Variants in RAB28 observed in about 807,000 individuals in gnomAD.
RAB28 encodes ras-related protein Rab-28.
Under a neutral mutation model 31.7 loss-of-function variants are expected in RAB28, and 24 were observed. The observed-to-expected ratio is 0.76, with a 90% CI of 0.55 to 1.06. RAB28 has a LOEUF of 1.06. Among genes scored for constraint, RAB28 ranks in the 50% least tolerant of loss-of-function variants. RAB28 has a pLI of 0.00. For synonymous variants in RAB28, 100 were observed against 90.4 expected (o/e 1.11, Z -0.60); for missense variants, 254 against 258.5 (o/e 0.98, Z 0.12).
chr4:13,379,390 A>G (rs1294257180), intron 5 of RAB28, among the ~76,000 whole-genome samples: 1 of 152,044 alleles, frequency 6.6e-6, no homozygotes, highest in Non-Finnish European at 1.5e-5. Context: ...CACCCATGAA[A>G]AAGTGGAGAC....
chr4:13,432,845 T>C (rs912082703), intron 4 of RAB28, among the ~76,000 whole-genome samples: 26 of 152,070 alleles, frequency 1.7e-4, no homozygotes, highest in African/African-American at 6.3e-4. Flanking sequence ...AAAGACACTT[T>C]AGAGCAATTA....
chr4:13,407,564 T>C (rs981967427), intron 4 of RAB28, among the ~76,000 whole-genome samples: 7 of 152,202 alleles, frequency 4.6e-5, no homozygotes, highest in Non-Finnish European at 1.0e-4. Context: ...GGTAGCTTGA[T>C]GGGGATGGCA....
At chr4:13,448,938 G>C (rs966354485) in intron 4 of RAB28, among the ~76,000 whole-genome samples, 1 of 151,820 alleles carries the variant, frequency 6.6e-6, no homozygotes, top group Non-Finnish European at 1.5e-5. Flanking sequence ...AGCAGCAATA[G>C]AGACAGAAAT....
chr4:13,373,030 TCA>T (rs1408720757), intron 6 of RAB28, among the ~76,000 whole-genome samples: 1 of 152,098 alleles, frequency 6.6e-6, no homozygotes, highest in African/African-American at 2.4e-5. Flanking sequence ...AAGTAGAAAT[TCA>T]CAGTTTATTA....
At chr4:13,430,112 A>G (rs963709343) in intron 4 of RAB28, among the ~76,000 whole-genome samples, 4 of 152,194 alleles carry the variant, frequency 2.6e-5, no homozygotes, top group Non-Finnish European at 5.9e-5. Context: ...AAATAATGCT[A>G]AGAAAATAGG....
intron 4 of RAB28, among the ~76,000 whole-genome samples, chr4:13,434,563 G>A (rs2108934323): frequency 6.6e-6 from 1 of 152,270 alleles, no homozygotes; most frequent in Non-Finnish European, 1.5e-5. Flanking sequence ...TCTTGGCATA[G>A]TCTATAGACA....
intron 3 of RAB28, among the ~76,000 whole-genome samples, chr4:13,471,548 C>T (rs967183559): frequency 3.3e-5 from 5 of 151,890 alleles, no homozygotes; most frequent in African/African-American, 9.7e-5. Context: ...TTCGCCCAGG[C>T]TGGAGTAAAG....
intron 4 of RAB28, among the ~76,000 whole-genome samples, chr4:13,397,441 C>T (rs1272977339): frequency 6.6e-6 from 1 of 151,990 alleles, no homozygotes; most frequent in Non-Finnish European, 1.5e-5. Context: ...ATTCTTTAAA[C>T]CACTTTCCAT....
chr4:13,484,233 G>C lies in RAB28; in HGVS notation c.-83C>G. ...CTCCGGGGGCGGGGGAGAGGAGGAA[G>C]GGAGGTAGTTGCGGCAGGACCCCCG... On this transcript the variant is annotated 5_prime_UTR_variant, in exon 1 of 7. Coordinates refer to ENST00000330852, the MANE Select transcript of RAB28 (RefSeq NM_001017979.3). The C allele has an allele frequency of 8.8e-7, 1 of 1,138,584 alleles. No homozygotes were observed. Among genetic ancestry groups the C allele is most frequent in the Non-Finnish European group, 1.3e-6 (1 of 773,950 alleles). The allele number at this position is 1,138,584 out of a possible 1,614,324, so 70.5% of individuals were successfully genotyped here. A position where few individuals can be genotyped will look rare whatever the true frequency, so the allele number is the denominator to read the frequency against.
chr4:13,471,963 C>G (rs1577246991), intron 3 of RAB28, among the ~76,000 whole-genome samples: 1 of 151,950 alleles, frequency 6.6e-6, no homozygotes, highest in South Asian at 2.1e-4. Context: ...AGACATTTTA[C>G]TAAACTTACG....
At chr4:13,430,408 C>CA (rs1713748434) in intron 4 of RAB28, among the ~76,000 whole-genome samples, 1 of 152,140 alleles carries the variant, frequency 6.6e-6, no homozygotes, top group East Asian at 1.9e-4. Context: ...CCAAGAAACT[C>CA]AGAGTCCCAT....
At chr4:13,415,565 T>C (rs1024541965) in intron 4 of RAB28, among the ~76,000 whole-genome samples, 1 of 151,566 alleles carries the variant, frequency 6.6e-6, no homozygotes, top group Non-Finnish European at 1.5e-5. Context: ...GTGTGCTGGG[T>C]CCCCCAGCAG....
chr4:13,410,639 C>A (rs1014067656), intron 4 of RAB28, among the ~76,000 whole-genome samples: 1 of 152,006 alleles, frequency 6.6e-6, no homozygotes, highest in Non-Finnish European at 1.5e-5. Flanking sequence ...GAATGTGAGG[C>A]CACAGAGCTG....
At chr4:13,401,155 T>A (rs534519502) in intron 4 of RAB28, among the ~76,000 whole-genome samples, 73 of 152,346 alleles carry the variant, frequency 4.8e-4, no homozygotes, top group African/African-American at 1.6e-3. Flanking sequence ...TCCATACATG[T>A]TTGGTAGAAT....
intron 4 of RAB28, among the ~76,000 whole-genome samples, chr4:13,384,330 C>T (rs1423124796): frequency 6.6e-6 from 1 of 152,186 alleles, no homozygotes; most frequent in African/African-American, 2.4e-5. Context: ...GAGGCAGGCA[C>T]CTGCTAGCAC....
intron 4 of RAB28, among the ~76,000 whole-genome samples, chr4:13,433,349 A>G (rs1465116300): frequency 6.6e-6 from 1 of 152,158 alleles, no homozygotes; most frequent in Non-Finnish European, 1.5e-5. Flanking sequence ...CAGCAAAACT[A>G]TCAACACAGA....
At chr4:13,418,342 C>G (rs1279933677) in intron 4 of RAB28, among the ~76,000 whole-genome samples, 1 of 152,160 alleles carries the variant, frequency 6.6e-6, no homozygotes, top group African/African-American at 2.4e-5. Flanking sequence ...GGATATTATC[C>G]AGGAGAACTT....
intron 4 of RAB28, among the ~76,000 whole-genome samples, chr4:13,422,709 T>C (rs144210667): frequency 0.014 from 2,092 of 151,302 alleles, 23 homozygotes; most frequent in Middle Eastern, 0.045. Flanking sequence ...ATGAGAACAC[T>C]TGGACACAGG....
intron 4 of RAB28, among the ~76,000 whole-genome samples, chr4:13,444,267 T>C (rs1000520540): frequency 3.1e-4 from 47 of 152,218 alleles, no homozygotes; most frequent in African/African-American, 1.1e-3. Flanking sequence ...GACCTCATGA[T>C]CCACCCGCCT....
Sources: gnomAD v4.1 joint callset for allele counts (sites outside exome capture counted in the v4.1 genomes callset) on GRCh38, gnomAD v4.1.1 for gene constraint, MANE v1.5 for transcripts, NCBI Gene and HGNC (gene_info 2026-07-23, HGNC 2026-07-21) for gene names.